Variants in MYO1D observed in about 807,000 individuals in gnomAD.
MYO1D encodes unconventional myosin-Id.
In MYO1D, 83 loss-of-function variants were observed where a neutral mutation model predicts 122.0. The ratio of observed to expected loss-of-function variants is 0.68; its 90% CI spans 0.57 to 0.82. The LOEUF is 0.82. MYO1D is among the 40% of genes least tolerant of loss of function. MYO1D has a pLI of 0.00. For missense variants in MYO1D, 1,157 were observed against 1,269.5 expected, an observed-to-expected ratio of 0.91 and a Z score of 1.35; for synonymous variants, 464 against 446.9, an observed-to-expected ratio of 1.04 and a Z score of -0.48.
chr17:32,811,114 A>G (rs1352430298), intron 1 of MYO1D, among the ~76,000 whole-genome samples: 1 of 152,238 alleles, frequency 6.6e-6, no homozygotes, highest in East Asian at 1.9e-4. Flanking sequence ...GACACCATCA[A>G]TAATGAAGAA....
intron 21 of MYO1D, among the ~76,000 whole-genome samples, chr17:32,585,257 A>C (rs753398482): frequency 9.9e-5 from 15 of 151,574 alleles, no homozygotes; most frequent in Non-Finnish European, 1.8e-4. Context: ...ATACCCTCAG[A>C]TTCTTTTCAT....
intron 11 of MYO1D, among the ~76,000 whole-genome samples, chr17:32,753,599 T>C (rs1027637918): frequency 3.9e-5 from 6 of 152,214 alleles, no homozygotes; most frequent in South Asian, 2.1e-4. Flanking sequence ...TATGTACAGT[T>C]ACTCTTACAA....
chr17:32,614,511 C>T (rs905391971), intron 20 of MYO1D, among the ~76,000 whole-genome samples: 1 of 152,126 alleles, frequency 6.6e-6, no homozygotes, highest in Non-Finnish European at 1.5e-5. Context: ...CATTCAGAAA[C>T]TTGGGAGACA....
intron 1 of MYO1D, among the ~76,000 whole-genome samples, chr17:32,827,053 A>G (rs2090728959): frequency 6.6e-6 from 1 of 152,194 alleles, no homozygotes; most frequent in Admixed American, 6.5e-5. Flanking sequence ...CACCCAAAAG[A>G]ATTGAAAGTA....
intron 21 of MYO1D, among the ~76,000 whole-genome samples, chr17:32,575,874 G>C (rs1375692207): frequency 6.6e-6 from 1 of 152,168 alleles, no homozygotes; most frequent in East Asian, 1.9e-4. Context: ...CAACAGAAAA[G>C]AAAACATGGG....
At position 32,745,305 on chromosome 17, in the gene MYO1D, G is replaced by A. The variant is rs750411317; in HGVS notation, c.1539-20C>T. On this transcript the variant is annotated intron_variant, in intron 12 of 21. Transcript: ENST00000318217. ...GAATAGCTAACAGGGAAAAATCACA[G>A]AAAACATGTATCATTTACCAAGCAA... 2 of 1,458,470 alleles carry A rather than the reference G, an allele frequency of 1.4e-6. No individual in the cohort carries two copies. Among genetic ancestry groups the A allele is most frequent in the Non-Finnish European group, 1.9e-6 (2 of 1,055,426 alleles). The allele number at this position is 1,458,470 out of a possible 1,614,324, so 90.3% of individuals were successfully genotyped here.
intron 19 of MYO1D, among the ~76,000 whole-genome samples, chr17:32,639,106 C>A (rs1324102943): frequency 6.6e-6 from 1 of 151,742 alleles, no homozygotes; most frequent in Non-Finnish European, 1.5e-5. Context: ...AAAGGCAAAC[C>A]CAGAGAATGG....
intron 21 of MYO1D, among the ~76,000 whole-genome samples, chr17:32,568,697 A>T (rs1250430713): frequency 1.3e-5 from 2 of 152,168 alleles, no homozygotes; most frequent in African/African-American, 4.8e-5. Flanking sequence ...GGCAATCTGA[A>T]CTGAACCCAC....
intron 4 of MYO1D, 146 bp downstream of exon 4, chr17:32,775,718 G>GGA: frequency 1.3e-6 from 1 of 753,392 alleles, no homozygotes; most frequent in Non-Finnish European, 2.0e-6. Flanking sequence ...GAAGACAAAA[G>GGA]GAGAATACCT....
chr17:32,705,819 T>C (rs1159300949), intron 16 of MYO1D, among the ~76,000 whole-genome samples: 1 of 152,160 alleles, frequency 6.6e-6, no homozygotes, highest in African/African-American at 2.4e-5. Flanking sequence ...TAGGGGCAGT[T>C]TCCCCCATAC....
intron 21 of MYO1D, among the ~76,000 whole-genome samples, chr17:32,549,482 C>T (rs2086992352): frequency 6.6e-6 from 1 of 152,188 alleles, no homozygotes; most frequent in African/African-American, 2.4e-5. Flanking sequence ...TTAGCGAGGT[C>T]ATAGGAGGGG....
At chr17:32,703,521 T>C (rs1450993049) in intron 16 of MYO1D, among the ~76,000 whole-genome samples, 1 of 151,904 alleles carries the variant, frequency 6.6e-6, no homozygotes, top group Non-Finnish European at 1.5e-5. Flanking sequence ...GCTAAAGTGA[T>C]CCTCCTGCCT....
At chr17:32,572,625 T>C (rs759538426) in intron 21 of MYO1D, among the ~76,000 whole-genome samples, 1 of 152,148 alleles carries the variant, frequency 6.6e-6, no homozygotes, top group Non-Finnish European at 1.5e-5. Context: ...AAACCTCTTA[T>C]TAAAATCCCC....
chr17:32,631,648 T>TAA (rs879354700), intron 20 of MYO1D, among the ~76,000 whole-genome samples: 1 of 143,470 alleles, frequency 7.0e-6, no homozygotes. Flanking sequence ...ACCCGTCTCT[T>TAA]AAAAAAAAAA....
At chr17:32,728,630 A>G (rs2089602939) in intron 14 of MYO1D, among the ~76,000 whole-genome samples, 1 of 152,254 alleles carries the variant, frequency 6.6e-6, no homozygotes, top group African/African-American at 2.4e-5. Context: ...TCAAGAGCAA[A>G]AAGATAATGA....
chr17:32,750,558 T>C (rs907154942), intron 11 of MYO1D, among the ~76,000 whole-genome samples: 1 of 152,064 alleles, frequency 6.6e-6, no homozygotes, highest in African/African-American at 2.4e-5. Context: ...GAGCTTGTAG[T>C]GAGCCGAGAT....
At chr17:32,629,733 GAAA>G (rs35731553) in intron 20 of MYO1D, among the ~76,000 whole-genome samples, 1 of 127,618 alleles carries the variant, frequency 7.8e-6, no homozygotes, top group Non-Finnish European at 1.7e-5. Context: ...TTCATCTCAA[GAAA>G]AAAAAAAAAA....
At chr17:32,710,700 ATG>A (rs2089364610) in intron 16 of MYO1D, among the ~76,000 whole-genome samples, 1 of 152,228 alleles carries the variant, frequency 6.6e-6, no homozygotes, top group African/African-American at 2.4e-5. Context: ...TAAGAGGTTA[ATG>A]TTTGGAATAT....
chr17:32,712,010 C>T lies in MYO1D; in HGVS notation c.2099G>A (p.Arg700Lys), dbSNP rs763196250. 2.0e-5 allele frequency: 33 copies of T among 1,613,746 alleles called. No individual in the cohort carries two copies. In the Admixed American group the frequency reaches 5.3e-4, roughly 26 times the overall value. The change falls in exon 16 of 22, where the codon AGG (arginine) becomes AAG (lysine). Residue 700 changes from arginine to lysine, a missense_variant. Physicochemically the swap from Arg to Lys is conservative, Grantham distance 26 (BLOSUM62 2). Transcript: ENST00000318217. ...TACCTTTTGTAGAAAGAGGACAATC[C>T]TTATGAGCATCTGGGCACGGAGTTC... ...LEELRAQMLI[R>K]IVLFLQKVWR...
Sources: allele counts gnomAD v4.1 joint callset (sites outside exome capture counted in the v4.1 genomes callset), GRCh38; gene constraint gnomAD v4.1.1; transcripts MANE v1.5; gene names NCBI Gene and HGNC (gene_info 2026-07-23, HGNC 2026-07-21).